Variants in GABBR2 observed in about 807,000 individuals in gnomAD.
GABBR2 encodes gamma-aminobutyric acid type B receptor subunit 2.
In GABBR2, 23 loss-of-function variants were observed where a neutral mutation model predicts 105.6. That is an observed-to-expected ratio of 0.22 (90% CI 0.16 to 0.31). The LOEUF is 0.31. Among genes scored for constraint, GABBR2 ranks in the 10% least tolerant of loss-of-function variants. The pLI is 1.00. For missense variants in GABBR2, 734 were observed against 1,245.5 expected (o/e 0.59, Z 6.18); for synonymous variants, 478 against 499.7 (o/e 0.96, Z 0.58).
intron 13 of GABBR2, among the ~76,000 whole-genome samples, chr9:98,333,282 T>G (rs1054380038): frequency 3.3e-5 from 5 of 152,226 alleles, no homozygotes; most frequent in Non-Finnish European, 7.3e-5. Context: ...TAGGCCCATT[T>G]TAAGGCTGAA....
At chr9:98,570,267 C>A (rs1197467974) in intron 2 of GABBR2, among the ~76,000 whole-genome samples, 2 of 152,172 alleles carry the variant, frequency 1.3e-5, no homozygotes, top group African/African-American at 2.4e-5. Context: ...TGTCGAGGGG[C>A]GGCTGGGGAC....
chr9:98,477,336 C>A (rs1274903230), intron 5 of GABBR2, among the ~76,000 whole-genome samples: 1 of 152,204 alleles, frequency 6.6e-6, no homozygotes, highest in Non-Finnish European at 1.5e-5. Context: ...AACTTCTGGG[C>A]TCCAGCAATC....
chr9:98,675,110 A>G (rs1446096226), intron 1 of GABBR2, among the ~76,000 whole-genome samples: 1 of 152,188 alleles, frequency 6.6e-6, no homozygotes, highest in East Asian at 1.9e-4. Flanking sequence ...GCTCTGACTC[A>G]GAGGGAAGGG....
chr9:98,521,805 T>C (rs575826424), intron 3 of GABBR2, among the ~76,000 whole-genome samples: 2 of 152,212 alleles, frequency 1.3e-5, no homozygotes, highest in East Asian at 1.9e-4. Flanking sequence ...AACTCACCCA[T>C]GCTGTAAGCG....
intron 3 of GABBR2, among the ~76,000 whole-genome samples, chr9:98,523,795 G>C (rs1827910881): frequency 6.6e-6 from 1 of 152,196 alleles, no homozygotes; most frequent in African/African-American, 2.4e-5. Context: ...ATTTTAGAGA[G>C]GGGTGGTACT....
intron 8 of GABBR2, among the ~76,000 whole-genome samples, chr9:98,398,327 C>A (rs941340606): frequency 1.3e-5 from 2 of 150,080 alleles, no homozygotes; most frequent in Admixed American, 1.3e-4. Flanking sequence ...CTAGGACCCA[C>A]CCCCCAAACT....
chr9:98,523,216 A>G (rs894181121), intron 3 of GABBR2, among the ~76,000 whole-genome samples: 8 of 152,254 alleles, frequency 5.3e-5, no homozygotes, highest in African/African-American at 1.9e-4. Context: ...AGAAACCTAC[A>G]TATAAAGGGA....
At chr9:98,318,891 TTGTGTGTGTG>T (rs111952099) in intron 13 of GABBR2, among the ~76,000 whole-genome samples, 1 of 148,288 alleles carries the variant, frequency 6.7e-6, no homozygotes, top group Non-Finnish European at 1.5e-5. Flanking sequence ...AAATGTGAGT[TTGTGTGTGTG>T]TGTGTGTGTG....
At chr9:98,492,960 T>C (rs1247634465) in intron 4 of GABBR2, among the ~76,000 whole-genome samples, 1 of 152,202 alleles carries the variant, frequency 6.6e-6, no homozygotes, top group African/African-American at 2.4e-5. Flanking sequence ...AGGAAGTAAC[T>C]TAAGAAGTGT....
At chr9:98,517,284 T>C (rs1395525958) in intron 3 of GABBR2, among the ~76,000 whole-genome samples, 3 of 152,194 alleles carry the variant, frequency 2.0e-5, no homozygotes, top group Non-Finnish European at 4.4e-5. Flanking sequence ...CCTCATTGTG[T>C]GTCAGCTTCT....
chr9:98,708,385 A>G (rs749067939), intron 1 of GABBR2, 32 bp downstream of exon 1: 1 of 1,349,024 alleles, frequency 7.4e-7, no homozygotes, highest in Non-Finnish European at 9.6e-7. Context: ...TGCCCCCCGA[A>G]GCCCCGACGG....
intron 3 of GABBR2, among the ~76,000 whole-genome samples, chr9:98,530,180 C>T (rs966117290): frequency 6.6e-6 from 1 of 152,198 alleles, no homozygotes; most frequent in Non-Finnish European, 1.5e-5. Flanking sequence ...CGTGAAGGGA[C>T]AGTGCTCTGT....
In GABBR2 at chr9:98,388,824, A is replaced by G; in HGVS notation, c.1529+30T>C. The G allele has an allele frequency of 3.2e-6, 5 of 1,584,926 alleles. No individual in the cohort carries two copies. The highest frequency in any genetic ancestry group is 1.7e-4 in the Middle Eastern group (1 of 5,958). On this transcript the variant is annotated intron_variant, in intron 10 of 18. Coordinates refer to ENST00000259455, the MANE Select transcript of GABBR2 (RefSeq NM_005458.8). This position sits in a 1 kb window ranked among gnomAD's most constrained non-coding sequence, Gnocchi z 4.4. ...CATAGGCTTGTCAATTTAGAAAGTG[A>G]TATCACAGAGGAGGACCAGGGTGGC... is the stretch of plus-strand genomic sequence containing the variant.
chr9:98,471,592 G>A (rs1826684440), intron 6 of GABBR2, among the ~76,000 whole-genome samples: 1 of 152,180 alleles, frequency 6.6e-6, no homozygotes, highest in South Asian at 2.1e-4. Flanking sequence ...CTATATCCGA[G>A]GGAGGTCCTT....
intron 1 of GABBR2, among the ~76,000 whole-genome samples, chr9:98,605,753 G>A (rs1319573204): frequency 6.6e-6 from 1 of 152,146 alleles, no homozygotes; most frequent in Non-Finnish European, 1.5e-5. Flanking sequence ...TCGGGATAAT[G>A]GAACTGTTCT....
At chr9:98,378,905 A>G (rs1831923928) in intron 11 of GABBR2, among the ~76,000 whole-genome samples, 1 of 152,230 alleles carries the variant, frequency 6.6e-6, no homozygotes, top group Non-Finnish European at 1.5e-5. Context: ...GTAGAAAAGT[A>G]GATAAAAGAG....
intron 3 of GABBR2, among the ~76,000 whole-genome samples, chr9:98,519,268 G>T (rs1827821274): frequency 6.6e-6 from 1 of 152,220 alleles, no homozygotes; most frequent in African/African-American, 2.4e-5. Context: ...CTATGCATCT[G>T]CCTGAGGTGG....
chr9:98,593,716 G>A lies in GABBR2; in HGVS notation c.322-15644C>T, dbSNP rs146198818. Among the ~76,000 whole-genome samples the A allele has an allele frequency of 1.3e-3, 199 of 152,272 alleles. 1 individual carries two copies. The highest frequency in any genetic ancestry group is 4.5e-3 in the African/African-American group (185 of 41,556). ...CTAGCACACGGGCCAGAGCTATCCCGACAGCTCCCCCATGTGCAAACACCC... is the reference window on the plus strand; with the variant it reads ...CTAGCACACGGGCCAGAGCTATCCCAACAGCTCCCCCATGTGCAAACACCC... On this transcript the variant is annotated intron_variant, in intron 1 of 18. Transcript: ENST00000259455.
In GABBR2 at chr9:98,310,468, G is replaced by A. The variant is rs545138124; in HGVS notation, c.2004+627C>T. ...TTGCCACGTTGGTCAGGCTGGTCTCGAACTCCTGACCTCAGGTGACCCACC... is the reference window on the plus strand; with the variant it reads ...TTGCCACGTTGGTCAGGCTGGTCTCAAACTCCTGACCTCAGGTGACCCACC... On this transcript the variant is annotated intron_variant, in intron 14 of 18. Transcript: ENST00000259455. Among the ~76,000 whole-genome samples, 7 of 152,182 alleles carry A rather than the reference G, an allele frequency of 4.6e-5. 1 individual carries two copies. In the South Asian group the frequency reaches 1.2e-3, roughly 27 times the overall value.
Sources: gnomAD v4.1 joint callset for allele counts (sites outside exome capture counted in the v4.1 genomes callset) on GRCh38, gnomAD v4.1.1 for gene constraint, Gnocchi (gnomAD v3.1) non-coding constraint, MANE v1.5 for transcripts, NCBI Gene and HGNC (gene_info 2026-07-23, HGNC 2026-07-21) for gene names.